Variants in ROBO1 observed in about 807,000 individuals in gnomAD.
ROBO1 encodes the protein roundabout guidance receptor 1.
Under a neutral mutation model 195.9 loss-of-function variants are expected in ROBO1, and 149 were observed. The observed-to-expected ratio is 0.76, with a 90% CI of 0.67 to 0.87. ROBO1 has a LOEUF of 0.87. Ranked by LOEUF, ROBO1 falls within the 40% of genes least tolerant of loss-of-function variation. ROBO1 has a pLI of 0.00. For synonymous variants in ROBO1, 816 were observed against 733.2 expected (o/e 1.11, Z -1.82); for missense variants, 1,933 against 2,068.3 (o/e 0.93, Z 1.27).
chr3:79,301,859 T>C (rs1420703331), intron 2 of ROBO1, among the ~76,000 whole-genome samples: 1 of 152,138 alleles, frequency 6.6e-6, no homozygotes, highest in East Asian at 1.9e-4. Flanking sequence ...GAAAATAAAA[T>C]ATTTCTGACC....
chr3:78,767,251 AC>A (rs942603125), intron 4 of ROBO1, among the ~76,000 whole-genome samples: 21 of 938 alleles, frequency 0.022, no homozygotes, highest in Admixed American at 0.14. Flanking sequence ...CTGGTCCTGG[AC>A]TTTTTTTTTT....
intron 2 of ROBO1, among the ~76,000 whole-genome samples, chr3:79,483,805 G>C (rs1315148344): frequency 6.6e-6 from 1 of 152,026 alleles, no homozygotes; most frequent in Admixed American, 6.5e-5. Context: ...GACAATCATG[G>C]ATCTGGGACG....
chr3:78,968,923 C>A (rs967411587), intron 3 of ROBO1, among the ~76,000 whole-genome samples: 2 of 152,058 alleles, frequency 1.3e-5, no homozygotes, highest in Admixed American at 1.3e-4. Flanking sequence ...CCATGATATT[C>A]CTATTTTTAA....
chr3:79,333,016 A>G (rs1267611556), intron 2 of ROBO1, among the ~76,000 whole-genome samples: 1 of 152,088 alleles, frequency 6.6e-6, no homozygotes, highest in Non-Finnish European at 1.5e-5. Context: ...AGCCCGACCA[A>G]TACGGCGAAA....
intron 2 of ROBO1, among the ~76,000 whole-genome samples, chr3:79,140,916 A>T (rs556782311): frequency 1.7e-4 from 26 of 152,336 alleles, no homozygotes; most frequent in African/African-American, 6.3e-4. Flanking sequence ...CTTATGGCAG[A>T]CTACTTGAAC....
chr3:78,853,732 G>T (rs1430688445), intron 4 of ROBO1, among the ~76,000 whole-genome samples: 1 of 151,946 alleles, frequency 6.6e-6, no homozygotes, highest in Admixed American at 6.6e-5. Flanking sequence ...CCTGAGACTG[G>T]GTAATTTATA....
intron 2 of ROBO1, among the ~76,000 whole-genome samples, chr3:79,281,390 G>A (rs563487822): frequency 1.1e-4 from 16 of 152,074 alleles, no homozygotes; most frequent in Non-Finnish European, 1.9e-4. Flanking sequence ...ATGTATACAT[G>A]TGCCACATTT....
chr3:79,640,808 C>T (rs1366700931), intron 1 of ROBO1, among the ~76,000 whole-genome samples: 1 of 152,090 alleles, frequency 6.6e-6, no homozygotes, highest in African/African-American at 2.4e-5. Flanking sequence ...CTCACATTAC[C>T]TATACAATGG....
At chr3:79,655,657 T>C (rs1946136158) in intron 1 of ROBO1, among the ~76,000 whole-genome samples, 1 of 152,048 alleles carries the variant, frequency 6.6e-6, no homozygotes. Context: ...AATTAATAAA[T>C]AAGAGAATAG....
intron 2 of ROBO1, among the ~76,000 whole-genome samples, chr3:79,344,163 C>T (rs184204785): frequency 2.0e-5 from 3 of 152,234 alleles, no homozygotes; most frequent in Non-Finnish European, 2.9e-5. Flanking sequence ...GACTTGTATG[C>T]AGGCATGGCT....
chr3:79,509,670 A>C (rs1940597712), intron 2 of ROBO1, among the ~76,000 whole-genome samples: 1 of 152,104 alleles, frequency 6.6e-6, no homozygotes, highest in South Asian at 2.1e-4. Context: ...CCCGCACTTA[A>C]CACAAGCTGG....
intron 2 of ROBO1, among the ~76,000 whole-genome samples, chr3:79,187,905 C>T (rs78729468): frequency 0.13 from 20,469 of 151,934 alleles, 2,220 homozygotes; most frequent in African/African-American, 0.3. Flanking sequence ...GAAACCTAGT[C>T]TGTAATTGTG....
At chr3:79,618,174 AG>A (rs2107960642) in intron 1 of ROBO1, among the ~76,000 whole-genome samples, 1 of 152,290 alleles carries the variant, frequency 6.6e-6, no homozygotes, top group Non-Finnish European at 1.5e-5. Flanking sequence ...GTGAAAGAGA[AG>A]AAGAAAAGGT....
At chr3:78,845,933 T>A (rs1392174226) in intron 4 of ROBO1, among the ~76,000 whole-genome samples, 1 of 152,276 alleles carries the variant, frequency 6.6e-6, no homozygotes, top group East Asian at 1.9e-4. Context: ...ACTCTGGTAG[T>A]GTTCCCTACT....
At chr3:78,676,267 A>G (rs1315015786) in intron 10 of ROBO1, among the ~76,000 whole-genome samples, 2 of 152,142 alleles carry the variant, frequency 1.3e-5, no homozygotes, top group South Asian at 2.1e-4. Context: ...AAAGCAGAGC[A>G]CCTCTCCTCC....
At chr3:79,440,023 A>G (rs1043329444) in intron 2 of ROBO1, among the ~76,000 whole-genome samples, 1 of 152,038 alleles carries the variant, frequency 6.6e-6, no homozygotes. Flanking sequence ...AGATAGAACA[A>G]AAGGTAGAGG....
At chr3:78,783,394 C>T (rs191701460) in intron 4 of ROBO1, among the ~76,000 whole-genome samples, 38 of 152,284 alleles carry the variant, frequency 2.5e-4, no homozygotes, top group Non-Finnish European at 5.0e-4. Flanking sequence ...ACATTTACCA[C>T]AGACCAAGGA....
chr3:79,188,027 A>G (rs183456677), intron 2 of ROBO1, among the ~76,000 whole-genome samples: 68 of 152,050 alleles, frequency 4.5e-4, no homozygotes, highest in African/African-American at 1.5e-3. Flanking sequence ...GATAAAAACA[A>G]AAGTTTATCT....
At chr3:78,896,557 C>T (rs1272155200) in intron 4 of ROBO1, among the ~76,000 whole-genome samples, 1 of 148,140 alleles carries the variant, frequency 6.8e-6, no homozygotes, top group Non-Finnish European at 1.5e-5. Flanking sequence ...CGACTATCCC[C>T]AAACCTATAA....
Sources: allele counts gnomAD v4.1 joint callset (sites outside exome capture counted in the v4.1 genomes callset), GRCh38; gene constraint gnomAD v4.1.1; transcripts MANE v1.5; gene names NCBI Gene and HGNC (gene_info 2026-07-23, HGNC 2026-07-21).